The following MTMR9 variants were observed in gnomAD, a reference collection of about 807,000 sequenced individuals.
The protein encoded by MTMR9 is myotubularin related protein 9.
Under a neutral mutation model 69.5 loss-of-function variants are expected in MTMR9, and 39 were observed. That is an observed-to-expected ratio of 0.56 (90% CI 0.43 to 0.73). The LOEUF (loss-of-function observed/expected upper bound fraction) is 0.73, where lower values mean the gene tolerates loss of function less well. Among genes scored for constraint, MTMR9 ranks in the 30% least tolerant of loss-of-function variants. The probability of loss-of-function intolerance (pLI) is 0.00; values close to 1 mark genes in which losing one functional copy is unlikely to be tolerated. For synonymous variants in MTMR9, 354 were observed against 240.8 expected (o/e 1.47, Z -4.35); for missense variants, 900 against 671.2 (o/e 1.34, Z -3.77).
chr8:11,297,787 GA>G, intron 2 of MTMR9: 1 of 447,348 alleles, frequency 2.2e-6, no homozygotes, highest in South Asian at 1.6e-5. Flanking sequence ...GGACTGAAAA[GA>G]AGCCGTAAAT....
chr8:11,291,938 A>G (rs1339908931), intron 1 of MTMR9, among the ~76,000 whole-genome samples: 2 of 152,110 alleles, frequency 1.3e-5, no homozygotes, highest in African/African-American at 4.8e-5. Flanking sequence ...TGAAGTGTAA[A>G]CTTTGATGTG....
chr8:11,306,371 A>G lies in MTMR9; in HGVS notation c.773A>G (p.Tyr258Cys). The G allele has an allele frequency of 6.2e-7, 1 of 1,614,092 alleles. No individual in the cohort carries two copies. The highest frequency in any genetic ancestry group is 8.5e-7 in the Non-Finnish European group (1 of 1,179,952). Residue 258 changes from tyrosine (Y) to cysteine (C), a missense_variant, in exon 5 of 10, where the codon TAT (tyrosine) becomes TGT (cysteine). Coordinates refer to ENST00000221086, the MANE Select transcript of MTMR9 (RefSeq NM_015458.4). ...GGTGGCTTTGAACAAGAAGCTCATT[A>G]TCCTCAGTGGAGGCGAATTCATAAG... ...KGGGFEQEAH[Y>C]PQWRRIHKSI... is the part of the protein sequence containing the mutation.
intron 5 of MTMR9, among the ~76,000 whole-genome samples, chr8:11,306,626 GATATAC>G (rs1018779261): frequency 4.2e-4 from 64 of 152,078 alleles, no homozygotes; most frequent in African/African-American, 1.4e-3. Context: ...GTGCTATTTT[GATATAC>G]ATATACATTG....
chr8:11,302,515 C>G (rs528258812), intron 3 of MTMR9, among the ~76,000 whole-genome samples: 12 of 152,006 alleles, frequency 7.9e-5, no homozygotes, highest in African/African-American at 2.7e-4. Flanking sequence ...GTTAGATTAA[C>G]AGAGGAAAAA....
At chr8:11,319,584 CT>C in intron 8 of MTMR9, 102 bp from the exon 9 acceptor site, 1 of 1,224,664 alleles carries the variant, frequency 8.2e-7, no homozygotes, top group Non-Finnish European at 1.2e-6. Context: ...GTCTTGTATT[CT>C]ATCTTCTTTC....
intron 3 of MTMR9, among the ~76,000 whole-genome samples, chr8:11,303,616 C>G (rs997351613): frequency 3.3e-5 from 5 of 152,030 alleles, no homozygotes; most frequent in African/African-American, 4.8e-5. Context: ...TCACTGTGGC[C>G]TCGACTTCCT....
the MTMR9 span, among the ~76,000 whole-genome samples, chr8:11,335,779 A>T: frequency 6.6e-6 from 1 of 151,836 alleles, no homozygotes; most frequent in Non-Finnish European, 1.5e-5. Context: ...TACATGGCAT[A>T]CTCCCTGTGT....
chr8:11,288,479 T>C (rs912746354), intron 1 of MTMR9, among the ~76,000 whole-genome samples: 1 of 151,470 alleles, frequency 6.6e-6, no homozygotes, highest in African/African-American at 2.4e-5. Context: ...AGGTGACATC[T>C]GACTACAGAC....
chr8:11,312,587 T>C (rs573443437), intron 6 of MTMR9, among the ~76,000 whole-genome samples: 12 of 152,366 alleles, frequency 7.9e-5, no homozygotes, highest in Non-Finnish European at 1.3e-4. Context: ...TAAAGCCTTA[T>C]GCCCCTCAAA....
At chr8:11,304,336 T>C (rs1347122612) in intron 3 of MTMR9, among the ~76,000 whole-genome samples, 4 of 152,214 alleles carry the variant, frequency 2.6e-5, no homozygotes, top group Admixed American at 6.5e-5. Context: ...GGATGCATTA[T>C]CTGGAGTCGT....
chr8:11,315,370 A>G (rs1800372654), intron 7 of MTMR9, among the ~76,000 whole-genome samples: 1 of 152,170 alleles, frequency 6.6e-6, no homozygotes, highest in South Asian at 2.1e-4. Context: ...CGGATCAAAG[A>G]CATAAGCAGT....
At chr8:11,297,878 C>T (rs998150440) in intron 2 of MTMR9, 4 of 456,240 alleles carry the variant, frequency 8.8e-6, no homozygotes, top group Admixed American at 7.0e-5. Context: ...TGAACCTGTC[C>T]TCTATCCTTT....
At chr8:11,288,812 A>C (rs774936140) in intron 1 of MTMR9, among the ~76,000 whole-genome samples, 3 of 152,220 alleles carry the variant, frequency 2.0e-5, no homozygotes, top group Non-Finnish European at 4.4e-5. Context: ...GCTGGCAGAA[A>C]ATAAACTGTA....
the MTMR9 span, among the ~76,000 whole-genome samples, chr8:11,338,135 C>T: frequency 2.0e-5 from 3 of 152,206 alleles, no homozygotes; most frequent in Non-Finnish European, 2.9e-5. Context: ...ATTTAGCGTC[C>T]TGGCAAGGAC....
chr8:11,306,437 TTATTAGAAGCTAATTA>T (rs754050444), intron 5 of MTMR9, 30 bp downstream of exon 5: 1 of 1,593,792 alleles, frequency 6.3e-7, no homozygotes, highest in East Asian at 2.2e-5. Flanking sequence ...GTACAGACTC[TTATTAGAAGCTAATTA>T]TAGTGGGTAA....
intron 4 of MTMR9, among the ~76,000 whole-genome samples, chr8:11,305,735 C>T (rs1226920028): frequency 6.6e-6 from 1 of 152,172 alleles, no homozygotes; most frequent in Non-Finnish European, 1.5e-5. Flanking sequence ...AAAATGATTT[C>T]CCAAACAATG....
intron 8 of MTMR9, chr8:11,318,876 C>T (rs1326485503): frequency 6.6e-6 from 1 of 151,978 alleles, no homozygotes; most frequent in Admixed American, 6.6e-5. Context: ...TTTGACTCAA[C>T]CTCCACTTTT....
the MTMR9 span, among the ~76,000 whole-genome samples, chr8:11,339,061 C>G: frequency 1.3e-5 from 2 of 152,196 alleles, no homozygotes; most frequent in Admixed American, 6.5e-5. Context: ...AAGGCCATGT[C>G]ACAGTGGCAG....
At chr8:11,302,274 A>G (rs1484377646) in intron 3 of MTMR9, among the ~76,000 whole-genome samples, 1 of 100,436 alleles carries the variant, frequency 1.0e-5, no homozygotes, top group Non-Finnish European at 1.9e-5. Flanking sequence ...AAAAAAAAAA[A>G]GAGGAAGACA....
Sources: allele counts gnomAD v4.1 joint callset (sites outside exome capture counted in the v4.1 genomes callset), GRCh38; gene constraint gnomAD v4.1.1; transcripts MANE v1.5; gene names NCBI Gene and HGNC (gene_info 2026-07-23, HGNC 2026-07-21).